Variants in ATG4B observed in about 807,000 individuals in gnomAD.
ATG4B encodes the protein cysteine protease ATG4B.
ATG4B carries 29 observed loss-of-function variants against 56.6 expected under a neutral mutation model. That is an observed-to-expected ratio of 0.51 (90% CI 0.38 to 0.70). The LOEUF (loss-of-function observed/expected upper bound fraction) is 0.70. Ranked by LOEUF, ATG4B falls within the 30% of genes least tolerant of loss-of-function variation. The pLI, the probability that ATG4B is intolerant of heterozygous loss-of-function variation, is 0.00. For synonymous variants in ATG4B, 224 were observed against 206.1 expected, an observed-to-expected ratio of 1.09 and a Z score of -0.74; for missense variants, 461 against 515.5, an observed-to-expected ratio of 0.89 and a Z score of 1.02.
Position 241,639,013 on chromosome 2 carries a change from C to T in ATG4B, c.10+1289C>T, listed in dbSNP as rs537229252. 8.0e-4 allele frequency among the ~76,000 whole-genome samples: 122 copies of T among 152,292 alleles called. 2 individuals carry two copies. Among genetic ancestry groups the T allele is most frequent in the African/African-American group, 2.8e-3 (115 of 41,556 alleles). ...CCCAGGCCTTGCTTGGGTCCAGGCT[C>T]GCCGCAGGAGATACCCCATCTACTT... On this transcript the variant is annotated intron_variant, in intron 1 of 12. Transcript: ENST00000404914.
At chr2:241,662,522 C>G (rs2068620651) in intron 7 of ATG4B, among the ~76,000 whole-genome samples, 1 of 152,228 alleles carries the variant, frequency 6.6e-6, no homozygotes, top group South Asian at 2.1e-4. Context: ...ACCCTGTTGA[C>G]AGCAGGGTGT....
chr2:241,666,400 G>T (rs2068771725), intron 7 of ATG4B, among the ~76,000 whole-genome samples: 1 of 152,198 alleles, frequency 6.6e-6, no homozygotes, highest in Admixed American at 6.5e-5. Flanking sequence ...TTTCGTGTGT[G>T]TGCTTTATTT....
intron 7 of ATG4B, among the ~76,000 whole-genome samples, chr2:241,660,380 G>T (rs1278536331): frequency 6.6e-6 from 1 of 152,152 alleles, no homozygotes; most frequent in African/African-American, 2.4e-5. Context: ...CGGGGGCATT[G>T]TGACACAGCG....
At chr2:241,649,403 T>C (rs140337265) in intron 1 of ATG4B, among the ~76,000 whole-genome samples, 1,764 of 152,346 alleles carry the variant, frequency 0.012, 39 homozygotes, top group African/African-American at 0.041. Context: ...GTCATTCTTA[T>C]TGAAGTGTGG....
At chr2:241,644,156 G>A (rs1267177003) in intron 1 of ATG4B, among the ~76,000 whole-genome samples, 2 of 152,028 alleles carry the variant, frequency 1.3e-5, no homozygotes, top group Admixed American at 6.6e-5. Context: ...AGACCAGCCT[G>A]CTTAACATAG....
In ATG4B at chr2:241,668,427, T is replaced by C; in HGVS notation, c.812-113T>C. 1.4e-6 allele frequency: 2 copies of C among 1,467,090 alleles called. No individual in the cohort carries two copies. Among genetic ancestry groups the C allele is most frequent in the South Asian group, 1.2e-5 (1 of 82,586 alleles). The allele number at this position is 1,467,090 out of a possible 1,614,324, so 90.9% of individuals were successfully genotyped here. A position where few individuals can be genotyped will look rare whatever the true frequency, so the allele number is the denominator to read the frequency against. On this transcript the variant is annotated intron_variant, in intron 9 of 12. Coordinates refer to ENST00000404914, the MANE Select transcript of ATG4B (RefSeq NM_013325.5). This position sits in a 1 kb window ranked among gnomAD's most constrained non-coding sequence, Gnocchi z 4.2. Reference sequence around the variant, plus strand: ...TGCCCTCGGCTCCCTCCCCACCTCCTGCCCACTGCTTCTCAGTGTGATGTG... The same window carrying C: ...TGCCCTCGGCTCCCTCCCCACCTCCCGCCCACTGCTTCTCAGTGTGATGTG...
At chr2:241,653,297 C>G in intron 3 of ATG4B, 5 of 1,538,154 alleles carry the variant, frequency 3.3e-6, no homozygotes, top group Non-Finnish European at 3.5e-6. Flanking sequence ...TGTGTTTTGC[C>G]CATTTTGAGG....
At chr2:241,660,708 A>G (rs542082587) in intron 7 of ATG4B, among the ~76,000 whole-genome samples, 1 of 152,270 alleles carries the variant, frequency 6.6e-6, no homozygotes, top group East Asian at 1.9e-4. Context: ...AAACTTACAT[A>G]GTTTCCTAAG....
chr2:241,665,263 G>A (rs992782220), intron 7 of ATG4B, among the ~76,000 whole-genome samples: 1 of 152,168 alleles, frequency 6.6e-6, no homozygotes, highest in Non-Finnish European at 1.5e-5. Context: ...GACACGCTTG[G>A]TTTTTATGAG....
chr2:241,651,899 GTA>G lies in ATG4B; in HGVS notation c.184+567_184+568del, dbSNP rs2068239512. 7.7e-7 allele frequency: 1 copy of G among 1,303,952 alleles called. No homozygotes were observed. The highest frequency in any genetic ancestry group is 2.3e-5 in the Admixed American group (1 of 43,544). 80.8% of individuals were successfully genotyped at this position (1,303,952 alleles called of 1,614,324 possible). On this transcript the variant is annotated intron_variant, in intron 3 of 12. Transcript: ENST00000404914. This position sits in a 1 kb window ranked among gnomAD's most constrained non-coding sequence, Gnocchi z 4.1. ...CTGTTAAAAGCCATTCATCATTGTT[GTA>G]TACCCTGGAGCTGGAAGGAGATGGG...
intron 6 of ATG4B, among the ~76,000 whole-genome samples, chr2:241,658,323 G>T (rs954344163): frequency 7.2e-5 from 11 of 151,894 alleles, no homozygotes; most frequent in African/African-American, 2.4e-4. Flanking sequence ...CAGGGGGGCA[G>T]TGGGGGGCAG....
intron 7 of ATG4B, among the ~76,000 whole-genome samples, chr2:241,660,427 G>T (rs2068556551): frequency 6.6e-6 from 1 of 152,190 alleles, no homozygotes; most frequent in African/African-American, 2.4e-5. Flanking sequence ...GGAGAGTGAG[G>T]CTGGCTTCTG....
chr2:241,658,543 A>G lies in ATG4B; in HGVS notation c.459-565A>G, dbSNP rs2068488344. On this transcript the variant is annotated intron_variant, in intron 6 of 12. Coordinates refer to ENST00000404914, the MANE Select transcript of ATG4B (RefSeq NM_013325.5). ...CCCCACCTCCGCCAGACCTGAGATG[A>G]GATCAGAGTCGTGTTAGACTTTTGG... 5.3e-5 allele frequency among the ~76,000 whole-genome samples: 8 copies of G among 152,172 alleles called. No homozygotes were observed. The South Asian group carries it at 1.7e-3, about 32-fold the overall frequency.
chr2:241,673,780 TGAA>T lies in ATG4B; in HGVS notation c.*1519_*1521del, dbSNP rs898821514. On this transcript the variant is annotated 3_prime_UTR_variant, in exon 13 of 13. Coordinates refer to ENST00000404914, the MANE Select transcript of ATG4B (RefSeq NM_013325.5). Reference sequence around the variant, plus strand: ...CTCGTGTGTTTTGAAAAAGGCTTAATGAAGAGAATGTTGTTCATTCTTAGTAGT... The same window carrying T: ...CTCGTGTGTTTTGAAAAAGGCTTAATGAGAATGTTGTTCATTCTTAGTAGT... 6.6e-6 allele frequency: 3 copies of T among 454,328 alleles called. No homozygotes were observed. The highest frequency in any genetic ancestry group is 6.0e-5 in the African/African-American group (3 of 49,998). 28.1% of individuals were successfully genotyped at this position (454,328 alleles called of 1,614,324 possible). A position where few individuals can be genotyped will look rare whatever the true frequency, so the allele number is the denominator to read the frequency against.
Position 241,648,688 on chromosome 2 carries a change from G to A in ATG4B, c.11-2322G>A, listed in dbSNP as rs1223120944. On this transcript the variant is annotated intron_variant, in intron 1 of 12. Coordinates refer to ENST00000404914, the MANE Select transcript of ATG4B (RefSeq NM_013325.5). ...CATCTGGCTGCAGCCGCTCCACAAC[G>A]CCCGTCATCTTGCTCAGGAAGCCAC... 2.0e-5 allele frequency among the ~76,000 whole-genome samples: 3 copies of A among 152,044 alleles called. 1 individual carries two copies. The highest frequency in any genetic ancestry group is 4.4e-5 in the Non-Finnish European group (3 of 68,026).
chr2:241,648,451 T>A (rs911756295), intron 1 of ATG4B, among the ~76,000 whole-genome samples: 1 of 152,008 alleles, frequency 6.6e-6, no homozygotes, highest in African/African-American at 2.4e-5. Context: ...AAGAATTAGC[T>A]GGGTGTGGTG....
intron 6 of ATG4B, among the ~76,000 whole-genome samples, chr2:241,658,312 GC>G (rs1271055319): frequency 1.3e-5 from 2 of 151,500 alleles, no homozygotes; most frequent in Non-Finnish European, 2.9e-5. Context: ...AGGTGGTGGG[GC>G]AGGGGGGCAG....
At chr2:241,661,644 T>C (rs2068596988) in intron 7 of ATG4B, among the ~76,000 whole-genome samples, 2 of 152,326 alleles carry the variant, frequency 1.3e-5, no homozygotes, top group African/African-American at 4.8e-5. Context: ...CTAAAGCTTC[T>C]TCCTGCAGCG....
Position 241,663,656 on chromosome 2 carries a change from A to G in ATG4B, c.539-2989A>G, listed in dbSNP as rs545106311. Among the ~76,000 whole-genome samples the G allele has an allele frequency of 4.6e-5, 7 of 152,338 alleles. No individual in the cohort carries two copies. In the East Asian group the frequency reaches 1.3e-3, roughly 29 times the overall value. ...TGAAGAAACCAAAGAATAATATTAA[A>G]GACAAATACAGAAATTAATGATTTA... On this transcript the variant is annotated intron_variant, in intron 7 of 12. Transcript: ENST00000404914.
Sources: gnomAD v4.1 joint callset for allele counts (sites outside exome capture counted in the v4.1 genomes callset) on GRCh38, gnomAD v4.1.1 for gene constraint, Gnocchi (gnomAD v3.1) non-coding constraint, MANE v1.5 for transcripts, NCBI Gene and HGNC (gene_info 2026-07-23, HGNC 2026-07-21) for gene names.